Variants in ZNF214 observed in about 807,000 individuals in gnomAD.
ZNF214 encodes zinc finger protein 214.
Under a neutral mutation model 53.9 loss-of-function variants are expected in ZNF214, and 43 were observed. The observed-to-expected ratio is 0.80, with a 90% confidence interval of 0.63 to 1.03. The LOEUF (loss-of-function observed/expected upper bound fraction) is 1.03. Among genes scored for constraint, ZNF214 ranks in the 50% least tolerant of loss-of-function variants. The probability of loss-of-function intolerance (pLI) is 0.00; values close to 1 mark genes in which losing one functional copy is unlikely to be tolerated. For missense variants in ZNF214, 724 were observed against 719.1 expected (o/e 1.01, Z -0.08); for synonymous variants, 217 against 229.5 (o/e 0.95, Z 0.49).
At position 7,014,926 on chromosome 11, in the gene ZNF214, T is replaced by C. The variant is rs1418934286; in HGVS notation, c.-21+5147A>G. Among the ~76,000 whole-genome samples the C allele has an allele frequency of 7.3e-5, 11 of 151,208 alleles. No individual in the cohort carries two copies. The East Asian group carries it at 2.1e-3, about 29-fold the overall frequency. On this transcript the variant is annotated intron_variant, in intron 1 of 2. Transcript: ENST00000278314. ...AGTCTGTCTTAAAAAGAAAAAACAG[T>C]GTATGCCGAGTTCAATGGTGAGTGT...
At chr11:7,018,265 A>G (rs1053489921) in intron 1 of ZNF214, among the ~76,000 whole-genome samples, 2 of 152,090 alleles carry the variant, frequency 1.3e-5, no homozygotes, top group Non-Finnish European at 2.9e-5. Context: ...GGCTTTATAC[A>G]TTCATGTTTC....
rs139112669 is a variant in ZNF214, at chr11:7,000,577, C to T, written c.1106G>A (p.Arg369Gln). The T allele has an allele frequency of 1.9e-5, 30 of 1,611,022 alleles. No individual in the cohort carries two copies. Among genetic ancestry groups the T allele is most frequent in the Admixed American group, 3.4e-5 (2 of 59,674 alleles). The change falls in exon 3 of 3, where the codon CGG becomes CAG. Residue 369 changes from arginine (R) to glutamine (Q), a missense_variant. Coordinates refer to ENST00000278314, the MANE Select transcript of ZNF214 (RefSeq NM_013249.4). ...KCNQCGKSFNRSSVLHVHQRV... is the reference protein window; with the variant it reads ...KCNQCGKSFNQSSVLHVHQRV... ...CTGATGAACATGAAGTACTGAACTCCGATTAAAACTCTTACCACACTGATT... is the reference window on the plus strand; with the variant it reads ...CTGATGAACATGAAGTACTGAACTCTGATTAAAACTCTTACCACACTGATT...
chr11:7,004,396 AC>A, intron 1 of ZNF214, among the ~76,000 whole-genome samples: 1 of 29,646 alleles, frequency 3.4e-5, no homozygotes, highest in Non-Finnish European at 1.0e-4. Flanking sequence ...ATAGTGTACA[AC>A]TTCCCACTTC....
At chr11:7,005,456 C>T (rs1391334135) in intron 1 of ZNF214, among the ~76,000 whole-genome samples, 8 of 151,988 alleles carry the variant, frequency 5.3e-5, no homozygotes, top group Non-Finnish European at 1.2e-4. Flanking sequence ...TGGCATACTG[C>T]TTATAAGAGA....
intron 1 of ZNF214, among the ~76,000 whole-genome samples, chr11:7,013,760 G>A (rs1016046343): frequency 2.6e-5 from 4 of 152,072 alleles, no homozygotes; most frequent in African/African-American, 9.7e-5. Context: ...AATAAGTAAG[G>A]CCATCTTTGG....
chr11:7,004,608 C>T (rs978867792), intron 1 of ZNF214, among the ~76,000 whole-genome samples: 2 of 152,080 alleles, frequency 1.3e-5, no homozygotes, highest in African/African-American at 4.8e-5. Flanking sequence ...ATAAAAGTCA[C>T]TGCAGCTTCT....
intron 1 of ZNF214, among the ~76,000 whole-genome samples, chr11:7,010,841 A>AT (rs149184786): frequency 0.039 from 5,854 of 151,938 alleles, 380 homozygotes; most frequent in African/African-American, 0.13. Flanking sequence ...TTGACATAAG[A>AT]TTTTTCAATG....
intron 1 of ZNF214, among the ~76,000 whole-genome samples, chr11:7,003,738 C>T (rs537896756): frequency 2.6e-5 from 4 of 151,858 alleles, no homozygotes; most frequent in African/African-American, 9.6e-5. Flanking sequence ...CTGAAATATT[C>T]AAGGGTAAAA....
In ZNF214 at chr11:7,000,026, G is replaced by C. The variant is rs1851283656; in HGVS notation, c.1657C>G (p.Pro553Ala). 6.2e-7 allele frequency: 1 copy of C among 1,613,250 alleles called. No individual in the cohort carries two copies. Among genetic ancestry groups the C allele is most frequent in the East Asian group, 2.2e-5 (1 of 44,846 alleles). ...IHQRVHTGEK[P>A]YQCAKCGKGF... ...TTACCACACTTAGCACATTGATAAG[G>C]CTTCTCTCCTGTATGGACCCTCTGA... The change falls in exon 3 of 3, where the codon CCT becomes GCT. Residue 553 changes from proline to alanine, a missense_variant. Transcript: ENST00000278314.
Position 7,000,799 on chromosome 11 carries a change from C to T in ZNF214, c.884G>A (p.Arg295Lys), listed in dbSNP as rs151111565. The change falls in exon 3 of 3, where the codon AGA becomes AAA. Residue 295 changes from arginine to lysine, a missense_variant. Physicochemically the swap from Arg to Lys is conservative, Grantham distance 26. Transcript: ENST00000278314. ...HQSSGVHFHQ[R>K]VHIGEVPYSC... Reference sequence around the variant, plus strand: ...ATAAGGTACCTCCCCTATGTGAACTCTCTGATGAAAGTGAACTCCGGAGCT... The same window carrying T: ...ATAAGGTACCTCCCCTATGTGAACTTTCTGATGAAAGTGAACTCCGGAGCT... 1.2e-6 allele frequency: 2 copies of T among 1,611,122 alleles called. No homozygotes were observed.
At chr11:7,017,738 CA>C (rs147893206) in intron 1 of ZNF214, among the ~76,000 whole-genome samples, 55 of 137,064 alleles carry the variant, frequency 4.0e-4, no homozygotes, top group South Asian at 1.4e-3. Flanking sequence ...GACTCCGTCT[CA>C]AAAAAAAAAA....
chr11:7,018,093 C>A (rs1851817977), intron 1 of ZNF214, among the ~76,000 whole-genome samples: 1 of 152,018 alleles, frequency 6.6e-6, no homozygotes, highest in Admixed American at 6.6e-5. Flanking sequence ...ACATACATAT[C>A]AGTATTTGTA....
chr11:7,006,261 T>C (rs1851468617), intron 1 of ZNF214, among the ~76,000 whole-genome samples: 1 of 152,058 alleles, frequency 6.6e-6, no homozygotes. Flanking sequence ...CTAGGATGTA[T>C]TATTTCTCCC....
chr11:7,014,673 T>A (rs577058494), intron 1 of ZNF214, among the ~76,000 whole-genome samples: 1 of 152,040 alleles, frequency 6.6e-6, no homozygotes, highest in South Asian at 2.1e-4. Context: ...TTTACAAGTA[T>A]ATGCTGATTT....
chr11:7,008,747 C>T (rs1187160221), intron 1 of ZNF214, among the ~76,000 whole-genome samples: 2 of 152,106 alleles, frequency 1.3e-5, no homozygotes, highest in Non-Finnish European at 2.9e-5. Flanking sequence ...TTTCAGGATA[C>T]GAAACCAATA....
At position 6,999,719 on chromosome 11, in the gene ZNF214, T is replaced by C. The variant is rs1851272634; in HGVS notation, c.*143A>G. The C allele has an allele frequency of 3.4e-6, 3 of 886,350 alleles. No individual in the cohort carries two copies. Among genetic ancestry groups the C allele is most frequent in the Admixed American group, 6.3e-5 (2 of 31,874 alleles). 54.9% of individuals were successfully genotyped at this position (886,350 alleles called of 1,614,324 possible). A position where few individuals can be genotyped will look rare whatever the true frequency, so the allele number is the denominator to read the frequency against. On this transcript the variant is annotated 3_prime_UTR_variant, in exon 3 of 3. Coordinates refer to ENST00000278314, the MANE Select transcript of ZNF214 (RefSeq NM_013249.4). ...TCTAAAGATCTCCTTTTGAAGCAAA[T>C]AATTCTTAGTGGGAGATAGGGGAAA...
intron 1 of ZNF214, among the ~76,000 whole-genome samples, chr11:7,017,474 C>T (rs1033994795): frequency 2.6e-5 from 4 of 151,784 alleles, no homozygotes; most frequent in African/African-American, 4.8e-5. Flanking sequence ...TAAATTTTCC[C>T]CAGTAAAAAG....
intron 1 of ZNF214, 77 bp from the exon 2 acceptor site, chr11:7,002,932 T>A (rs571627687): frequency 7.2e-7 from 1 of 1,390,112 alleles, no homozygotes; most frequent in Non-Finnish European, 9.4e-7. Flanking sequence ...GCAAGCCGAA[T>A]AGAAAAAACA....
At position 6,997,278 on chromosome 11, in the gene ZNF214, A is replaced by T. The variant is rs1851203936; in HGVS notation, c.*2584T>A. 6.6e-6 allele frequency among the ~76,000 whole-genome samples: 1 copy of T among 151,854 alleles called. No homozygotes were observed. Among genetic ancestry groups the T allele is most frequent in the African/African-American group, 2.4e-5 (1 of 41,398 alleles). Reference sequence around the variant, plus strand: ...AAAAACATATTGTAGGTACTCCTTTATGTTTGTCTAATAAACCTTCACCTG... The same window carrying T: ...AAAAACATATTGTAGGTACTCCTTTTTGTTTGTCTAATAAACCTTCACCTG... On this transcript the variant is annotated 3_prime_UTR_variant, in exon 3 of 3. Transcript: ENST00000278314.
Sources: gnomAD v4.1 joint callset for allele counts (sites outside exome capture counted in the v4.1 genomes callset) on GRCh38, gnomAD v4.1.1 for gene constraint, MANE v1.5 for transcripts, NCBI Gene and HGNC (gene_info 2026-07-23, HGNC 2026-07-21) for gene names.